NEK1: variants seen among roughly 807,000 people sequenced by gnomAD.
The protein encoded by NEK1 is serine/threonine-protein kinase Nek1.
A neutral mutation model predicts 182.1 loss-of-function variants in NEK1; 137 were observed. The ratio of observed to expected loss-of-function variants is 0.75; its 90% confidence interval spans 0.65 to 0.87. The LOEUF (loss-of-function observed/expected upper bound fraction) is 0.87, where lower values mean the gene tolerates loss of function less well. NEK1 is among the 40% of genes least tolerant of loss of function. The probability of loss-of-function intolerance (pLI) is 0.00; values close to 1 mark genes in which losing one functional copy is unlikely to be tolerated. For synonymous variants in NEK1, 513 were observed against 492.2 expected (o/e 1.04, Z -0.56); for missense variants, 1,391 against 1,494.4 (o/e 0.93, Z 1.14).
chr4:169,603,608 T>C (rs958368072), intron 2 of NEK1, among the ~76,000 whole-genome samples: 8 of 152,210 alleles, frequency 5.3e-5, no homozygotes, highest in Admixed American at 3.3e-4. Context: ...GTTATTGTTG[T>C]TACTCCATAC....
At chr4:169,508,412 T>A in intron 20 of NEK1, 81 bp from the exon 21 acceptor site, 1 of 1,138,688 alleles carries the variant, frequency 8.8e-7, no homozygotes, top group Non-Finnish European at 1.2e-6. Context: ...TTTTTAAATT[T>A]AAGGAACAGT....
rs76203743 is a variant in NEK1 at position 169,553,604 on chromosome 4, G to T, written c.1562+2116C>A. 1.9e-3 allele frequency among the ~76,000 whole-genome samples: 284 copies of T among 152,142 alleles called. 7 individuals are homozygous for T. In the East Asian group the frequency reaches 0.049, roughly 26 times the overall value. On this transcript the variant is annotated intron_variant, in intron 18 of 35. Coordinates refer to ENST00000507142, the MANE Select transcript of NEK1 (RefSeq NM_001199397.3). ...AAAGAAAAAGAAAATATCTGCCAAA[G>T]ACATACCTGATAAAGGACTGTTAAA...
intron 31 of NEK1, among the ~76,000 whole-genome samples, chr4:169,419,202 T>C (rs1156781262): frequency 6.6e-6 from 1 of 152,042 alleles, no homozygotes; most frequent in Admixed American, 6.6e-5. Context: ...AGATACTCTA[T>C]ATACATGAAG....
intron 19 of NEK1, among the ~76,000 whole-genome samples, chr4:169,535,808 A>G (rs1455788023): frequency 6.7e-6 from 1 of 148,526 alleles, no homozygotes; most frequent in Non-Finnish European, 1.5e-5. Context: ...TGAACCCGGG[A>G]GGCGGAGGTT....
intron 26 of NEK1, among the ~76,000 whole-genome samples, chr4:169,471,449 T>C (rs1295656776): frequency 1.3e-5 from 2 of 152,184 alleles, no homozygotes; most frequent in Non-Finnish European, 1.5e-5. Context: ...GTATCTCCAG[T>C]GGAGGCTGCA....
At chr4:169,499,607 T>C (rs1752030266) in intron 23 of NEK1, among the ~76,000 whole-genome samples, 1 of 152,144 alleles carries the variant, frequency 6.6e-6, no homozygotes. Context: ...TGTTTGTTAG[T>C]TTTCCCCCCA....
chr4:169,481,214 C>T (rs138254525), intron 23 of NEK1, among the ~76,000 whole-genome samples: 22 of 152,334 alleles, frequency 1.4e-4, no homozygotes, highest in African/African-American at 4.1e-4. Context: ...ACTTCCTCCA[C>T]TGAAATCTTG....
intron 32 of NEK1, among the ~76,000 whole-genome samples, chr4:169,406,111 A>AT (rs955117588): frequency 6.6e-5 from 10 of 151,608 alleles, no homozygotes; most frequent in Admixed American, 5.3e-4. Flanking sequence ...GAAAAAATAA[A>AT]TTTTTTTTTG....
At position 169,412,971 on chromosome 4, in the gene NEK1, C is replaced by G. The variant is rs114616520; in HGVS notation, c.3223-6224G>C. Among the ~76,000 whole-genome samples, 327 of 151,874 alleles carry G rather than the reference C, an allele frequency of 2.2e-3. 1 individual carries two copies. Among genetic ancestry groups the G allele is most frequent in the African/African-American group, 7.0e-3 (291 of 41,454 alleles). ...GGCAAGGGAGATTGAGATTGAATGT[C>G]TCTTTGATGGAGTTCACTTAATGAA... is the stretch of plus-strand genomic sequence containing the variant. On this transcript the variant is annotated intron_variant, in intron 31 of 35. Coordinates refer to ENST00000507142, the MANE Select transcript of NEK1 (RefSeq NM_001199397.3).
chr4:169,470,441 T>C (rs1246616540), intron 26 of NEK1, among the ~76,000 whole-genome samples: 3 of 152,350 alleles, frequency 2.0e-5, no homozygotes, highest in South Asian at 2.1e-4. Flanking sequence ...ATGTTGAATA[T>C]TGGCCCCCAC....
rs930361457 is a variant in NEK1, at chr4:169,432,056, T to C, written c.2885+1489A>G. Among the ~76,000 whole-genome samples, 5 of 148,202 alleles carry C rather than the reference T, an allele frequency of 3.4e-5. No individual in the cohort carries two copies. The South Asian group carries it at 1.1e-3, about 32-fold the overall frequency. ...TACTAATTTATAAAAGACCAACGACTAAATTAAAAAAAAAAGGGGGGGACC... is the reference window on the plus strand; with the variant it reads ...TACTAATTTATAAAAGACCAACGACCAAATTAAAAAAAAAAGGGGGGGACC... On this transcript the variant is annotated intron_variant, in intron 29 of 35. Transcript: ENST00000507142.
chr4:169,425,392 A>G (rs752676224), intron 30 of NEK1, among the ~76,000 whole-genome samples: 1 of 151,782 alleles, frequency 6.6e-6, no homozygotes, highest in Non-Finnish European at 1.5e-5. Context: ...ACTGCACTCC[A>G]GCCTGGGCAA....
intron 27 of NEK1, among the ~76,000 whole-genome samples, chr4:169,445,359 A>T (rs1445517195): frequency 6.6e-6 from 1 of 152,164 alleles, no homozygotes; most frequent in Non-Finnish European, 1.5e-5. Flanking sequence ...CAGGAGTTTA[A>T]GGTTATAGCA....
At chr4:169,583,584 A>G (rs2150064101) in intron 10 of NEK1, among the ~76,000 whole-genome samples, 1 of 152,254 alleles carries the variant, frequency 6.6e-6, no homozygotes, top group African/African-American at 2.4e-5. Context: ...TTTCTCTTTC[A>G]TTGCTAGCTA....
At chr4:169,531,115 A>G (rs1015676170) in intron 19 of NEK1, among the ~76,000 whole-genome samples, 7 of 151,938 alleles carry the variant, frequency 4.6e-5, no homozygotes, top group African/African-American at 1.7e-4. Context: ...GAAGGCATTA[A>G]GAAATTGTAG....
At chr4:169,597,242 A>G (rs1041327001) in intron 5 of NEK1, among the ~76,000 whole-genome samples, 5 of 152,228 alleles carry the variant, frequency 3.3e-5, no homozygotes. Flanking sequence ...CCTATTAACA[A>G]ATGAGAAAAT....
At chr4:169,510,294 T>C (rs545108781) in intron 19 of NEK1, among the ~76,000 whole-genome samples, 1 of 152,270 alleles carries the variant, frequency 6.6e-6, no homozygotes, top group African/African-American at 2.4e-5. Flanking sequence ...GCAACTCCAC[T>C]CTTACGCAGC....
chr4:169,561,790 T>C, intron 14 of NEK1, 42 bp downstream of exon 14: 2 of 1,602,354 alleles, frequency 1.2e-6, no homozygotes, highest in Non-Finnish European at 1.7e-6. Context: ...TATTATCACT[T>C]AACAACTTGC....
At chr4:169,409,921 T>C (rs1218108986) in intron 31 of NEK1, among the ~76,000 whole-genome samples, 1 of 152,352 alleles carries the variant, frequency 6.6e-6, no homozygotes, top group South Asian at 2.1e-4. Context: ...GAAATGTCTA[T>C]TAATGCCCTT....
Sources: gnomAD v4.1 joint callset for allele counts (sites outside exome capture counted in the v4.1 genomes callset) on GRCh38, gnomAD v4.1.1 for gene constraint, MANE v1.5 for transcripts, NCBI Gene and HGNC (gene_info 2026-07-23, HGNC 2026-07-21) for gene names.